TAFA2: variants seen among roughly 807,000 people sequenced by gnomAD.
TAFA2 encodes the protein chemokine-like protein TAFA-2.
Under a neutral mutation model 18.8 loss-of-function variants are expected in TAFA2, and 7 were observed. The ratio of observed to expected loss-of-function variants is 0.37; its 90% CI spans 0.21 to 0.70. The LOEUF is 0.70. Among genes scored for constraint, TAFA2 ranks in the 30% least tolerant of loss-of-function variants. TAFA2 has a pLI of 0.53. For synonymous variants in TAFA2, 60 were observed against 54.2 expected, an observed-to-expected ratio of 1.11 and a Z score of -0.47; for missense variants, 122 against 158.1, an observed-to-expected ratio of 0.77 and a Z score of 1.23.
At position 62,022,020 on chromosome 12, in the gene TAFA2, C is replaced by T. The variant is rs113135163; in HGVS notation, c.-1-154594G>A. ...CCTGGGCAATGGCACAGACCCCTAG[C>T]GGCCACCTTATCAGCATAAAGCTCT... is the stretch of plus-strand genomic sequence containing the variant. On this transcript the variant is annotated intron_variant, in intron 1 of 4. Transcript: ENST00000416284. 746 of 638,028 alleles carry T rather than the reference C, an allele frequency of 1.2e-3. 3 individuals carry two copies. Among genetic ancestry groups the T allele is most frequent in the African/African-American group, 0.012 (644 of 55,406 alleles). The allele number at this position is 638,028 out of a possible 1,614,324, so 39.5% of individuals were successfully genotyped here.
intron 2 of TAFA2, among the ~76,000 whole-genome samples, chr12:61,809,702 T>A (rs892819720): frequency 6.6e-6 from 1 of 151,406 alleles, no homozygotes; most frequent in South Asian, 2.1e-4. Flanking sequence ...TTAGTTTTTT[T>A]ACTATAAGGG....
intron 1 of TAFA2, among the ~76,000 whole-genome samples, chr12:62,178,949 T>G (rs576492634): frequency 6.6e-6 from 1 of 152,214 alleles, no homozygotes. Flanking sequence ...ATTCACTGTC[T>G]GTATGATTTT....
At chr12:61,835,067 A>C (rs1476501581) in intron 2 of TAFA2, among the ~76,000 whole-genome samples, 1 of 151,356 alleles carries the variant, frequency 6.6e-6, no homozygotes, top group African/African-American at 2.4e-5. Flanking sequence ...ACTAAATGCT[A>C]ATCAATTTCC....
At chr12:62,007,056 C>T (rs904153787) in intron 1 of TAFA2, among the ~76,000 whole-genome samples, 3 of 152,162 alleles carry the variant, frequency 2.0e-5, no homozygotes, top group South Asian at 2.1e-4. Flanking sequence ...GATGAAGATG[C>T]GTCCTGTGTG....
intron 2 of TAFA2, among the ~76,000 whole-genome samples, chr12:61,782,995 ATTTAATC>A (rs1291062217): frequency 6.6e-6 from 1 of 151,712 alleles, no homozygotes; most frequent in Non-Finnish European, 1.5e-5. Context: ...AGGTTCCAAA[ATTTAATC>A]TTAAAGCTTG....
intron 1 of TAFA2, among the ~76,000 whole-genome samples, chr12:62,147,939 G>C (rs888037264): frequency 1.3e-5 from 2 of 151,990 alleles, no homozygotes; most frequent in African/African-American, 4.8e-5. Flanking sequence ...GCATACAAGT[G>C]ATCAACGAAC....
At chr12:62,233,206 G>A (rs2136985223) in intron 1 of TAFA2, among the ~76,000 whole-genome samples, 1 of 148,150 alleles carries the variant, frequency 6.7e-6, no homozygotes, top group Admixed American at 6.9e-5. Context: ...TCAGCCTCCT[G>A]AGTAGGTGGG....
chr12:62,115,329 A>G (rs1869917810), intron 1 of TAFA2, among the ~76,000 whole-genome samples: 1 of 152,082 alleles, frequency 6.6e-6, no homozygotes, highest in Non-Finnish European at 1.5e-5. Flanking sequence ...GGAGGCCAGT[A>G]ATTCACACTG....
chr12:62,001,533 C>A (rs1333095920), intron 1 of TAFA2, among the ~76,000 whole-genome samples: 1 of 152,214 alleles, frequency 6.6e-6, no homozygotes, highest in East Asian at 1.9e-4. Context: ...GAGTGCACAA[C>A]TTAGATCCCT....
intron 1 of TAFA2, among the ~76,000 whole-genome samples, chr12:62,131,200 G>T (rs1448123336): frequency 6.6e-6 from 1 of 151,820 alleles, no homozygotes; most frequent in Non-Finnish European, 1.5e-5. Context: ...CAAAATGTCA[G>T]AGCCCATCCT....
In TAFA2 at chr12:61,907,688, G is replaced by A. The variant is rs372881421; in HGVS notation, c.-1-40262C>T. Reference sequence around the variant, plus strand: ...TCCAGACCGCATAATGGTATCCACCGACAGTTGTAGCATGCACCTGAAAAA... The same window carrying A: ...TCCAGACCGCATAATGGTATCCACCAACAGTTGTAGCATGCACCTGAAAAA... On this transcript the variant is annotated intron_variant, in intron 1 of 4. Transcript: ENST00000416284. Among the ~76,000 whole-genome samples the A allele has an allele frequency of 1.2e-4, 18 of 152,086 alleles. No individual in the cohort carries two copies. The East Asian group carries it at 1.9e-3, about 16-fold the overall frequency.
chr12:61,815,985 A>C (rs1281852121), intron 2 of TAFA2, among the ~76,000 whole-genome samples: 1 of 151,358 alleles, frequency 6.6e-6, no homozygotes, highest in Non-Finnish European at 1.5e-5. Context: ...GGGAAAATAA[A>C]AAAAAGATGG....
intron 1 of TAFA2, among the ~76,000 whole-genome samples, chr12:62,128,817 C>T (rs1158697106): frequency 1.3e-5 from 2 of 152,026 alleles, no homozygotes; most frequent in Admixed American, 6.6e-5. Flanking sequence ...AACGTACTTC[C>T]GTGGATAAGA....
chr12:61,979,720 T>A (rs1389839192), intron 1 of TAFA2, among the ~76,000 whole-genome samples: 1 of 151,724 alleles, frequency 6.6e-6, no homozygotes, highest in African/African-American at 2.4e-5. Context: ...AAAACCAATC[T>A]TAAAGAGAAA....
chr12:62,256,506 A>G (rs2062939776), intron 1 of TAFA2, among the ~76,000 whole-genome samples: 1 of 152,130 alleles, frequency 6.6e-6, no homozygotes, highest in African/African-American at 2.4e-5. Flanking sequence ...CCCTGCAAGT[A>G]TTTGAGTTTC....
intron 2 of TAFA2, among the ~76,000 whole-genome samples, chr12:61,780,379 A>G (rs1870453174): frequency 1.3e-5 from 2 of 151,786 alleles, no homozygotes; most frequent in African/African-American, 4.8e-5. Flanking sequence ...GGTGACCAAG[A>G]AGACCTTAAC....
chr12:62,009,332 A>C (rs536776491), intron 1 of TAFA2, among the ~76,000 whole-genome samples: 44 of 152,260 alleles, frequency 2.9e-4, no homozygotes, highest in African/African-American at 8.9e-4. Flanking sequence ...GAGAAAGCTC[A>C]ACTTTCTTAG....
At chr12:62,051,646 C>T (rs1161072830) in intron 1 of TAFA2, among the ~76,000 whole-genome samples, 9 of 151,790 alleles carry the variant, frequency 5.9e-5, no homozygotes, top group Non-Finnish European at 1.3e-4. Context: ...CTAGGCACAC[C>T]TGTCACCTGT....
At chr12:62,181,035 T>G (rs187338192) in intron 1 of TAFA2, among the ~76,000 whole-genome samples, 1 of 152,330 alleles carries the variant, frequency 6.6e-6, no homozygotes, top group East Asian at 1.9e-4. Flanking sequence ...TTACAATAAA[T>G]TATGGAAAGA....
Sources: allele counts gnomAD v4.1 joint callset (sites outside exome capture counted in the v4.1 genomes callset), GRCh38; gene constraint gnomAD v4.1.1; transcripts MANE v1.5; gene names NCBI Gene and HGNC (gene_info 2026-07-23, HGNC 2026-07-21).